Variants in SESTD1 observed in about 807,000 individuals in gnomAD.
SESTD1 encodes SEC14 and spectrin domain containing 1, also known as SEC14 domain and spectrin repeat-containing protein 1.
In SESTD1, 43 loss-of-function variants were observed where a neutral mutation model predicts 101.7. That is an observed-to-expected ratio of 0.42 (90% CI 0.33 to 0.55). The LOEUF is 0.55. Ranked by LOEUF, SESTD1 falls within the 20% of genes least tolerant of loss-of-function variation. The pLI is 0.07. For missense variants in SESTD1, 647 were observed against 815.1 expected, an observed-to-expected ratio of 0.79 and a Z score of 2.51; for synonymous variants, 283 against 286.8, an observed-to-expected ratio of 0.99 and a Z score of 0.13.
chr2:179,236,905 A>G (rs1303327615), intron 1 of SESTD1, among the ~76,000 whole-genome samples: 1 of 150,108 alleles, frequency 6.7e-6, no homozygotes, highest in Non-Finnish European at 1.5e-5. Flanking sequence ...TTACTTGGTA[A>G]TATTTAATTA....
chr2:179,153,088 G>T (rs1320528877), intron 5 of SESTD1, among the ~76,000 whole-genome samples: 1 of 152,072 alleles, frequency 6.6e-6, no homozygotes, highest in Non-Finnish European at 1.5e-5. Context: ...TGATAGCAAT[G>T]GTTTAAAAGA....
intron 12 of SESTD1, among the ~76,000 whole-genome samples, 178 bp downstream of exon 12, chr2:179,123,537 T>C (rs546695399): frequency 6.6e-6 from 1 of 152,076 alleles, no homozygotes; most frequent in African/African-American, 2.4e-5. Context: ...CGATGAAAAA[T>C]AAAATTTTCA....
intron 9 of SESTD1, among the ~76,000 whole-genome samples, chr2:179,135,937 TC>T (rs2045133830): frequency 6.6e-6 from 1 of 152,232 alleles, no homozygotes; most frequent in African/African-American, 2.4e-5. Context: ...AATGGTTTTT[TC>T]CTCAACACAT....
rs528511420 is a variant in SESTD1, at chr2:179,208,695, G to C, written c.-25-16829C>G. Among the ~76,000 whole-genome samples the C allele has an allele frequency of 4.4e-5, 6 of 134,984 alleles. 2 individuals carry two copies. The highest frequency in any genetic ancestry group is 1.8e-4 in the African/African-American group (6 of 34,236). The allele number at this position is 134,984 out of a possible 152,430, so 88.6% of individuals were successfully genotyped here. A position where few individuals can be genotyped will look rare whatever the true frequency, so the allele number is the denominator to read the frequency against. On this transcript the variant is annotated intron_variant, in intron 1 of 17. Transcript: ENST00000428443. ...TGTTGAATTTGCCAATACCAAGCAA[G>C]CACTACAAGAACTGCTAAAAGGACC...
intron 1 of SESTD1, among the ~76,000 whole-genome samples, chr2:179,248,897 G>A (rs1395105408): frequency 2.7e-5 from 4 of 150,546 alleles, no homozygotes; most frequent in Admixed American, 1.3e-4. Context: ...CCTGGTCAAC[G>A]TAGGGAAACC....
chr2:179,236,731 G>GA (rs966704681), intron 1 of SESTD1, among the ~76,000 whole-genome samples: 19 of 141,210 alleles, frequency 1.3e-4, no homozygotes, highest in African/African-American at 4.2e-4. Flanking sequence ...ACTCATGTTT[G>GA]AAAAAAAATC....
chr2:179,232,472 A>AG (rs2047001797), intron 1 of SESTD1, among the ~76,000 whole-genome samples: 2 of 152,072 alleles, frequency 1.3e-5, no homozygotes, highest in Non-Finnish European at 2.9e-5. Flanking sequence ...AGGTTAATCC[A>AG]GAAAAAAAAG....
chr2:179,244,418 C>G (rs186567774), intron 1 of SESTD1, among the ~76,000 whole-genome samples: 299 of 151,730 alleles, frequency 2.0e-3, no homozygotes, highest in African/African-American at 6.7e-3. Flanking sequence ...GAGATCACAC[C>G]ACTGCACTAC....
rs193096154 is a variant in SESTD1, at chr2:179,148,901, A to T, written c.581+396T>A. ...TGGTGAAACGCCGTCTTTATTAAAAATACAAAAAATTAGCCGGGCGAGGTG... is the reference window on the plus strand; with the variant it reads ...TGGTGAAACGCCGTCTTTATTAAAATTACAAAAAATTAGCCGGGCGAGGTG... On this transcript the variant is annotated intron_variant, in intron 7 of 17. Transcript: ENST00000428443. 3.0e-3 allele frequency among the ~76,000 whole-genome samples: 450 copies of T among 152,004 alleles called. 5 individuals are homozygous for T. The highest frequency in any genetic ancestry group is 0.01 in the African/African-American group (433 of 41,414).
chr2:179,140,476 T>C (rs2045253964), intron 9 of SESTD1, among the ~76,000 whole-genome samples: 1 of 152,048 alleles, frequency 6.6e-6, no homozygotes, highest in Non-Finnish European at 1.5e-5. Context: ...GAACAGAGCA[T>C]TCCCTCACGG....
rs140554007 is a variant in SESTD1, at chr2:179,184,790, C to T, written c.56-1602G>A. Among the ~76,000 whole-genome samples, 485 of 152,218 alleles carry T rather than the reference C, an allele frequency of 3.2e-3. 3 individuals carry two copies. Among genetic ancestry groups the T allele is most frequent in the Middle Eastern group, 6.8e-3 (2 of 294 alleles). On this transcript the variant is annotated intron_variant, in intron 2 of 17. Transcript: ENST00000428443. ...AGCCAAGCCCCAAAAAAGGCTCACA[C>T]CTGGACTATGGCACTCTGACTCACT...
intron 1 of SESTD1, among the ~76,000 whole-genome samples, chr2:179,225,106 G>T (rs1043374038): frequency 2.0e-5 from 3 of 152,144 alleles, no homozygotes; most frequent in Non-Finnish European, 4.4e-5. Flanking sequence ...ATCTGATGCT[G>T]TCTCCAGGTA....
intron 1 of SESTD1, among the ~76,000 whole-genome samples, chr2:179,201,173 T>G (rs1173887848): frequency 7.4e-6 from 1 of 134,310 alleles, no homozygotes; most frequent in Admixed American, 7.2e-5. Context: ...CATGAAAAAA[T>G]GCTCTCCATC....
At chr2:179,253,434 AC>A (rs1396153684) in intron 1 of SESTD1, among the ~76,000 whole-genome samples, 1 of 152,222 alleles carries the variant, frequency 6.6e-6, no homozygotes, top group Non-Finnish European at 1.5e-5. Context: ...ACAGTAGGAT[AC>A]TGTTAGTGGA....
At chr2:179,245,663 G>A (rs2047219465) in intron 1 of SESTD1, among the ~76,000 whole-genome samples, 1 of 151,918 alleles carries the variant, frequency 6.6e-6, no homozygotes, top group Admixed American at 6.6e-5. Context: ...CTCCAGCCTG[G>A]GCAACAGAGT....
chr2:179,249,227 A>AAG (rs1462312457), intron 1 of SESTD1, among the ~76,000 whole-genome samples: 22 of 151,310 alleles, frequency 1.5e-4, no homozygotes, highest in African/African-American at 3.9e-4. Context: ...AAAAAAAAAA[A>AAG]AAGAAGACTA....
intron 1 of SESTD1, among the ~76,000 whole-genome samples, chr2:179,226,843 C>T (rs891832773): frequency 3.3e-5 from 5 of 152,132 alleles, no homozygotes; most frequent in African/African-American, 9.7e-5. Context: ...ATAGCCAATG[C>T]GCAATAAATA....
intron 1 of SESTD1, among the ~76,000 whole-genome samples, chr2:179,237,399 T>C (rs943764997): frequency 4.6e-5 from 7 of 152,192 alleles, no homozygotes; most frequent in Non-Finnish European, 7.4e-5. Flanking sequence ...ATTTGATCCT[T>C]GTTTACCTGG....
chr2:179,172,280 T>C (rs1385099431), intron 4 of SESTD1, 47 bp from the exon 5 acceptor site: 5 of 1,231,620 alleles, frequency 4.1e-6, no homozygotes, highest in Non-Finnish European at 5.8e-6. Flanking sequence ...GTAAAATGAA[T>C]AATTTACTAA....
Sources: gnomAD v4.1 joint callset for allele counts (sites outside exome capture counted in the v4.1 genomes callset) on GRCh38, gnomAD v4.1.1 for gene constraint, MANE v1.5 for transcripts, NCBI Gene and HGNC (gene_info 2026-07-23, HGNC 2026-07-21) for gene names.